ASCC3: variants seen among roughly 807,000 people sequenced by gnomAD.
ASCC3 encodes the protein ASC-1 complex subunit P200.
A neutral mutation model predicts 256.3 loss-of-function variants in ASCC3; 158 were observed. The observed-to-expected ratio is 0.62, with a 90% CI of 0.54 to 0.70. ASCC3 has a LOEUF of 0.70. Among genes scored for constraint, ASCC3 ranks in the 30% least tolerant of loss-of-function variants. ASCC3 has a pLI of 0.00. For synonymous variants in ASCC3, 948 were observed against 883.4 expected (o/e 1.07, Z -1.30); for missense variants, 2,259 against 2,626.0 (o/e 0.86, Z 3.05).
At chr6:100,575,231 G>A (rs1441597730) in intron 36 of ASCC3, among the ~76,000 whole-genome samples, 1 of 151,544 alleles carries the variant, frequency 6.6e-6, no homozygotes, top group Non-Finnish European at 1.5e-5. Context: ...TACGTGCTGG[G>A]TCCCCCACCA....
intron 36 of ASCC3, among the ~76,000 whole-genome samples, chr6:100,541,913 GA>G (rs962525849): frequency 6.6e-6 from 1 of 152,048 alleles, no homozygotes; most frequent in Non-Finnish European, 1.5e-5. Flanking sequence ...TGTCTGAGAT[GA>G]AAAATACACT....
intron 36 of ASCC3, among the ~76,000 whole-genome samples, chr6:100,587,597 G>C (rs547297818): frequency 2.0e-5 from 3 of 152,278 alleles, no homozygotes; most frequent in African/African-American, 7.2e-5. Context: ...TAAACACCAT[G>C]GGAGAAGAAG....
chr6:100,730,323 C>CAAAACAAAACAAAAG (rs1779844338), intron 10 of ASCC3, among the ~76,000 whole-genome samples: 1 of 151,798 alleles, frequency 6.6e-6, no homozygotes, highest in African/African-American at 2.4e-5. Flanking sequence ...CAAAACAAAA[C>CAAAACAAAACAAAAG]AAAACAAATG....
At chr6:100,744,668 T>C (rs563810807) in intron 10 of ASCC3, among the ~76,000 whole-genome samples, 2 of 152,216 alleles carry the variant, frequency 1.3e-5, no homozygotes, top group Non-Finnish European at 2.9e-5. Flanking sequence ...AGCTATTATA[T>C]ACTATTTATT....
chr6:100,729,909 C>G (rs200721067), intron 10 of ASCC3, among the ~76,000 whole-genome samples: 3 of 151,984 alleles, frequency 2.0e-5, no homozygotes, highest in African/African-American at 7.2e-5. Flanking sequence ...GATAAAATAT[C>G]AAAACATAGC....
intron 1 of ASCC3, among the ~76,000 whole-genome samples, chr6:100,876,529 T>C (rs1774011606): frequency 6.6e-6 from 1 of 152,170 alleles, no homozygotes; most frequent in Non-Finnish European, 1.5e-5. Flanking sequence ...AGTGCTTAAC[T>C]TTAGGCCTAG....
chr6:100,567,000 A>G (rs545762425), intron 36 of ASCC3, among the ~76,000 whole-genome samples: 2 of 152,296 alleles, frequency 1.3e-5, no homozygotes, highest in South Asian at 4.1e-4. Flanking sequence ...CTAACTCTGT[A>G]TCTCAACAGT....
chr6:100,858,997 A>G (rs930018169), intron 3 of ASCC3: 3 of 695,942 alleles, frequency 4.3e-6, no homozygotes, highest in Non-Finnish European at 7.9e-6. Flanking sequence ...TAAAGCCATC[A>G]TAGCATATAG....
intron 36 of ASCC3, among the ~76,000 whole-genome samples, chr6:100,582,563 C>A (rs547550727): frequency 5.3e-5 from 8 of 152,074 alleles, no homozygotes; most frequent in African/African-American, 1.9e-4. Context: ...CTTTTCCTAA[C>A]TGAATACCCT....
chr6:100,740,733 C>A (rs540147779), intron 10 of ASCC3, among the ~76,000 whole-genome samples: 2 of 152,110 alleles, frequency 1.3e-5, no homozygotes, highest in African/African-American at 4.8e-5. Flanking sequence ...GGAATGGCAA[C>A]CCCTGCTTTT....
chr6:100,700,818 G>C (rs970126541), intron 13 of ASCC3, among the ~76,000 whole-genome samples: 1 of 152,186 alleles, frequency 6.6e-6, no homozygotes, highest in African/African-American at 2.4e-5. Context: ...GTACCCCATT[G>C]TATCTAGGAA....
chr6:100,749,104 TCTC>T (rs1246479964), intron 10 of ASCC3, among the ~76,000 whole-genome samples: 1 of 151,992 alleles, frequency 6.6e-6, no homozygotes. Flanking sequence ...AACTATTTGT[TCTC>T]CTCCATATCA....
chr6:100,759,932 T>C (rs1224761324), intron 10 of ASCC3, among the ~76,000 whole-genome samples: 2 of 152,160 alleles, frequency 1.3e-5, no homozygotes, highest in African/African-American at 4.8e-5. Context: ...TGAGAGTTCA[T>C]TCATGACTTG....
intron 3 of ASCC3, among the ~76,000 whole-genome samples, chr6:100,849,684 A>G (rs1370162588): frequency 6.6e-6 from 1 of 152,218 alleles, no homozygotes; most frequent in Non-Finnish European, 1.5e-5. Flanking sequence ...TGTATTTCTG[A>G]CATGGGTTTC....
intron 36 of ASCC3, among the ~76,000 whole-genome samples, chr6:100,540,907 A>T (rs909696113): frequency 2.0e-5 from 3 of 152,108 alleles, no homozygotes; most frequent in Non-Finnish European, 4.4e-5. Flanking sequence ...AAGATGAGAA[A>T]AGGGTAAAGA....
At position 100,627,996 on chromosome 6, in the gene ASCC3, T is replaced by C. The variant is rs114542327; in HGVS notation, c.4376-9A>G. 1,339 of 1,610,536 alleles carry C rather than the reference T, an allele frequency of 8.3e-4. 7 individuals carry two copies. In the African/African-American group the frequency reaches 0.016, roughly 20 times the overall value. On this transcript the variant is annotated splice_polypyrimidine_tract_variant and intron_variant, in intron 27 of 41. Transcript: ENST00000369162. ...AGGGCCTCTTTCCTCCCCTAGAAAATAGGGAAAAATCAATGTTAATCATTT... is the reference window on the plus strand; with the variant it reads ...AGGGCCTCTTTCCTCCCCTAGAAAACAGGGAAAAATCAATGTTAATCATTT...
At chr6:100,702,508 G>T (rs1160493629) in intron 13 of ASCC3, among the ~76,000 whole-genome samples, 2 of 152,226 alleles carry the variant, frequency 1.3e-5, no homozygotes, top group East Asian at 1.9e-4. Flanking sequence ...CAGAAAAGAG[G>T]TCTGGGTTTG....
At chr6:100,732,348 T>A (rs1156625530) in intron 10 of ASCC3, among the ~76,000 whole-genome samples, 1 of 152,094 alleles carries the variant, frequency 6.6e-6, no homozygotes, top group Non-Finnish European at 1.5e-5. Flanking sequence ...TATTCAAGAA[T>A]AAGTAGTCAA....
chr6:100,729,479 C>T (rs1489243214), intron 10 of ASCC3, among the ~76,000 whole-genome samples: 1 of 152,078 alleles, frequency 6.6e-6, no homozygotes, highest in African/African-American at 2.4e-5. Context: ...TCCTTAAAAC[C>T]TTCCAATTTT....
Sources: allele counts gnomAD v4.1 joint callset (sites outside exome capture counted in the v4.1 genomes callset), GRCh38; gene constraint gnomAD v4.1.1; transcripts MANE v1.5; gene names NCBI Gene and HGNC (gene_info 2026-07-23, HGNC 2026-07-21).